RIMS1: variants seen among roughly 807,000 people sequenced by gnomAD.
RIMS1 encodes the protein regulating synaptic membrane exocytosis protein 1.
Under a neutral mutation model 214.1 loss-of-function variants are expected in RIMS1, and 83 were observed. That is an observed-to-expected ratio of 0.39 (90% confidence interval 0.32 to 0.47). RIMS1 has a LOEUF of 0.47. RIMS1 is among the 20% of genes least tolerant of loss of function. RIMS1 has a pLI of 0.99. For synonymous variants in RIMS1, 793 were observed against 786.8 expected, an observed-to-expected ratio of 1.01 and a Z score of -0.13; for missense variants, 2,050 against 2,161.8, an observed-to-expected ratio of 0.95 and a Z score of 1.03.
chr6:72,274,482 GCCACCAA>G, intron 23 of RIMS1, 50 bp downstream of exon 23: 1 of 1,363,018 alleles, frequency 7.3e-7, no homozygotes, highest in Non-Finnish European at 1.0e-6. Flanking sequence ...AAGCTTATAG[GCCACCAA>G]CTGAAGGATA....
chr6:72,225,119 A>G (rs1253083737), intron 6 of RIMS1, among the ~76,000 whole-genome samples: 1 of 152,206 alleles, frequency 6.6e-6, no homozygotes, highest in Non-Finnish European at 1.5e-5. Flanking sequence ...AAAAATAAGT[A>G]GAATAAAACA....
intron 31 of RIMS1, among the ~76,000 whole-genome samples, chr6:72,394,158 T>C (rs752186119): frequency 2.0e-5 from 3 of 152,110 alleles, no homozygotes; most frequent in Non-Finnish European, 2.9e-5. Context: ...AGCGTTCAAA[T>C]TGGGTCATGT....
At chr6:72,384,517 TC>T (rs1190762402) in intron 29 of RIMS1, among the ~76,000 whole-genome samples, 1 of 152,168 alleles carries the variant, frequency 6.6e-6, no homozygotes, top group African/African-American at 2.4e-5. Flanking sequence ...CACACTTACT[TC>T]TTCTGATTTC....
At chr6:72,140,584 T>A (rs907437873) in intron 4 of RIMS1, among the ~76,000 whole-genome samples, 9 of 152,040 alleles carry the variant, frequency 5.9e-5, no homozygotes, top group African/African-American at 2.2e-4. Flanking sequence ...TTTATGATAG[T>A]TATTTGTATT....
At chr6:72,356,487 G>A (rs974313716) in intron 29 of RIMS1, among the ~76,000 whole-genome samples, 2 of 151,974 alleles carry the variant, frequency 1.3e-5, no homozygotes, top group South Asian at 4.2e-4. Context: ...GTCCAGGCAC[G>A]GTGGCTTACA....
rs1161139440 is a variant in RIMS1, at chr6:72,252,775, A to T, written c.2713A>T (p.Ser905Cys). The change falls in exon 16 of 34, where the codon AGT becomes TGT. Residue 905 changes from serine to cysteine, a missense_variant. Transcript: ENST00000521978. ...CTGTTGTGCAGGATCTCAGCGAATC[A>T]GTGATAGTGACATCTCAGATTATGA... ...SKKLQRSQRI[S>C]DSDISDYEVD... The T allele has an allele frequency of 6.4e-7, 1 of 1,559,140 alleles. No homozygotes were observed. The highest frequency in any genetic ancestry group is 1.2e-5 in the South Asian group (1 of 84,496).
At chr6:72,216,737 C>T in intron 6 of RIMS1, 1 of 986,192 alleles carries the variant, frequency 1.0e-6, no homozygotes, top group Non-Finnish European at 1.2e-6. Flanking sequence ...AGCTCCTGAA[C>T]ATTTGCCTGA....
chr6:72,080,636 C>G (rs1168702057), intron 2 of RIMS1, among the ~76,000 whole-genome samples: 1 of 152,170 alleles, frequency 6.6e-6, no homozygotes, highest in Non-Finnish European at 1.5e-5. Context: ...CCTGTGTACC[C>G]TCTTCCTCCT....
At position 72,298,344 on chromosome 6, in the gene RIMS1, AT is replaced by A. The variant is rs1194488278; in HGVS notation, c.3850+6299del. ...AACAACTTGAGACCTAACTATTAGT[AT>A]CTTTATTTTCCCGCCGAAAAGCTAA... On this transcript the variant is annotated intron_variant, in intron 26 of 33. Coordinates refer to ENST00000521978, the MANE Select transcript of RIMS1 (RefSeq NM_014989.7). 2.6e-5 allele frequency among the ~76,000 whole-genome samples: 4 copies of A among 152,110 alleles called. No homozygotes were observed. The East Asian group carries it at 5.8e-4, about 22-fold the overall frequency.
intron 1 of RIMS1, among the ~76,000 whole-genome samples, chr6:71,935,830 T>G (rs1276406782): frequency 6.6e-6 from 1 of 152,218 alleles, no homozygotes; most frequent in Non-Finnish European, 1.5e-5. Context: ...ATTTCTGCTG[T>G]TCTCTCTAAA....
intron 6 of RIMS1, among the ~76,000 whole-genome samples, chr6:72,222,488 T>A (rs1442849773): frequency 6.6e-6 from 1 of 152,112 alleles, no homozygotes; most frequent in East Asian, 1.9e-4. Context: ...TAAATTAAAT[T>A]CATGATTAAT....
chr6:72,108,867 C>A (rs1301402339), intron 4 of RIMS1, among the ~76,000 whole-genome samples: 1 of 123,054 alleles, frequency 8.1e-6, no homozygotes, highest in Non-Finnish European at 1.6e-5. Context: ...CACCCCACCA[C>A]AGTCCCTAGA....
chr6:72,062,158 A>G (rs1204506698), intron 2 of RIMS1, among the ~76,000 whole-genome samples: 2 of 152,120 alleles, frequency 1.3e-5, no homozygotes, highest in East Asian at 1.9e-4. Context: ...GGTTTTTTCT[A>G]TTTATTTCTT....
intron 23 of RIMS1, among the ~76,000 whole-genome samples, chr6:72,276,725 TAA>T (rs1347583352): frequency 6.6e-6 from 1 of 152,176 alleles, no homozygotes; most frequent in Admixed American, 6.5e-5. Context: ...TATTAAAATA[TAA>T]GACAAATATG....
rs191469253 is a variant in RIMS1 at position 72,119,463 on chromosome 6, A to G, written c.471+19477A>G. ...ATTAGAAAACACAATTCTAAAATTT[A>G]TATGGAACCAAAAAAGAGCCTGAAT... On this transcript the variant is annotated intron_variant, in intron 4 of 33. Transcript: ENST00000521978. Among the ~76,000 whole-genome samples the G allele has an allele frequency of 8.6e-5, 13 of 151,932 alleles. No homozygotes were observed. In the East Asian group the frequency reaches 1.7e-3, roughly 20 times the overall value.
In RIMS1 at chr6:72,196,377, G is replaced by GTTTGTCTA. The variant is rs1334799674; in HGVS notation, c.1678+13229_1678+13230insTTGTCTAT. 9.1e-3 allele frequency among the ~76,000 whole-genome samples: 1,305 copies of GTTTGTCTA among 144,054 alleles called. 20 individuals carry two copies. The highest frequency in any genetic ancestry group is 0.03 in the African/African-American group (1,097 of 36,852). The allele number at this position is 144,054 out of a possible 152,430, so 94.5% of individuals were successfully genotyped here. On this transcript the variant is annotated intron_variant, in intron 6 of 33. Transcript: ENST00000521978. ...TGTCTGTCTGTCTGTCTGTCTGTCT[G>GTTTGTCTA]TCTATCTATCTATCTATCTATCTAT...
At chr6:72,077,735 C>T (rs1315702977) in intron 2 of RIMS1, among the ~76,000 whole-genome samples, 2 of 152,216 alleles carry the variant, frequency 1.3e-5, no homozygotes, top group Admixed American at 6.5e-5. Flanking sequence ...GGTACAGTTA[C>T]TACCCTCAAT....
chr6:72,308,473 C>T (rs568202531), intron 27 of RIMS1, among the ~76,000 whole-genome samples: 11 of 152,008 alleles, frequency 7.2e-5, no homozygotes, highest in Non-Finnish European at 1.5e-4. Flanking sequence ...AATAAAACTA[C>T]ACTAAATTAA....
At chr6:72,334,938 G>T (rs1029728796) in intron 29 of RIMS1, among the ~76,000 whole-genome samples, 24 of 151,992 alleles carry the variant, frequency 1.6e-4, no homozygotes, top group African/African-American at 5.8e-4. Flanking sequence ...TTATGAAGGA[G>T]AATTATTTGT....
Sources: allele counts gnomAD v4.1 joint callset (sites outside exome capture counted in the v4.1 genomes callset), GRCh38; gene constraint gnomAD v4.1.1; transcripts MANE v1.5; gene names NCBI Gene and HGNC (gene_info 2026-07-23, HGNC 2026-07-21).